Variants in FOXO4 observed in about 807,000 individuals in gnomAD.
FOXO4 encodes the protein forkhead box O4.
In FOXO4, 3 loss-of-function variants were observed where a neutral mutation model predicts 20.8. The observed-to-expected ratio is 0.14, with a 90% CI of 0.07 to 0.37. The LOEUF is 0.37. Among genes scored for constraint, FOXO4 ranks in the 10% least tolerant of loss-of-function variants. The pLI is 1.00. For synonymous variants in FOXO4, 158 were observed against 180.0 expected (o/e 0.88, Z 0.98); for missense variants, 309 against 431.9 (o/e 0.72, Z 2.52).
At position 71,096,985 on chromosome X, in the gene FOXO4, A is replaced by C. The variant is rs768812217; in HGVS notation, c.453+4A>C. 1 of 1,189,423 alleles carries C rather than the reference A, an allele frequency of 8.4e-7. No individual in the cohort carries two copies. Among genetic ancestry groups the C allele is most frequent in the East Asian group, 3.0e-5 (1 of 33,486 alleles). ...CAACAGCTCAGCAGGATGGAAGGTA[A>C]TTATGACCCTCTTACCTTCTTCCCA... On this transcript the variant is annotated splice_donor_region_variant and intron_variant, in intron 1 of 2. Coordinates refer to ENST00000374259, the MANE Select transcript of FOXO4 (RefSeq NM_005938.4).
chrX:71,101,977 G>A, intron 2 of FOXO4, 100 bp from the exon 3 acceptor site: 1 of 998,001 alleles, frequency 1.0e-6, no homozygotes, highest in Admixed American at 2.4e-5. Flanking sequence ...ATGGAAGCGG[G>A]TTAGGTGCCA....
Position 71,101,192 on chromosome X carries a change from G to A in FOXO4, c.962G>A (p.Arg321Gln), listed in dbSNP as rs368209640. ...ACCTCTTCCCATTCCCTGCTATCTC[G>A]GAGTGGTCTCTCTGGCTTCTCTTTG... ...NLTSSHSLLS[R>Q]SGLSGFSLQH... is the part of the protein sequence containing the mutation. The change falls in exon 2 of 3, where the codon CGG (arginine) becomes CAG (glutamine). Residue 321 changes from arginine (R) to glutamine (Q), a missense_variant. By Grantham distance (43) the Arg-to-Gln change is conservative (BLOSUM62 1). This residue lies in a region of FOXO4 where 223 missense variants were observed against 302.7 expected (regional missense o/e 0.74). Transcript: ENST00000374259. 96 of 1,209,262 alleles carry A rather than the reference G, an allele frequency of 7.9e-5. No homozygotes were observed. Among genetic ancestry groups the A allele is most frequent in the Admixed American group, 1.1e-4 (5 of 45,723 alleles).
At chrX:71,099,692 C>T (rs5981072) in intron 1 of FOXO4, among the ~76,000 whole-genome samples, 27,339 of 110,979 alleles carry the variant, frequency 0.25, 2,919 homozygotes, top group Middle Eastern at 0.5. Context: ...GTCAAGCAGC[C>T]GCTTTATAAA....
Position 71,101,620 on chromosome X carries a change from G to C in FOXO4, c.1390G>C (p.Asp464His). 1 of 1,211,641 alleles carries C rather than the reference G, an allele frequency of 8.3e-7. No homozygotes were observed. Among genetic ancestry groups the C allele is most frequent in the South Asian group, 1.8e-5 (1 of 57,011 alleles). Residue 464 changes from aspartate to histidine, a missense_variant, in exon 2 of 3, where the codon GAC (aspartate) becomes CAC (histidine). By Grantham distance (81) the Asp-to-His change is moderately conservative. Coordinates refer to ENST00000374259, the MANE Select transcript of FOXO4 (RefSeq NM_005938.4). The part of the protein sequence containing the change: ...LTPPTEAASQ[D>H]RMPQDLDLDM... ...ACCCCCTACTGAAGCTGCAAGCCAA[G>C]ACAGAATGCCTCAGGATCTAGATCT...
In FOXO4 at chrX:71,102,131, G is replaced by A. The variant is rs1329755872; in HGVS notation, c.*47G>A. On this transcript the variant is annotated 3_prime_UTR_variant, in exon 3 of 3. Coordinates refer to ENST00000374259, the MANE Select transcript of FOXO4 (RefSeq NM_005938.4). ...CCCTGCTTCAGATGTGGAGCCAGGC[G>A]TGTTCATATCTACTCTTTACCCTTG... The A allele has an allele frequency of 1.1e-5, 13 of 1,178,874 alleles. No individual in the cohort carries two copies. Among genetic ancestry groups the A allele is most frequent in the South Asian group, 3.6e-5 (2 of 55,263 alleles).
At position 71,097,001 on chromosome X, in the gene FOXO4, C is replaced by T. The variant is rs748394131; in HGVS notation, c.453+20C>T. 11 of 1,167,553 alleles carry T rather than the reference C, an allele frequency of 9.4e-6. No individual in the cohort carries two copies. In the East Asian group the frequency reaches 3.0e-4, roughly 32 times the overall value. ...TGGAAGGTAATTATGACCCTCTTAC[C>T]TTCTTCCCAACACCATCTACCCCCT... On this transcript the variant is annotated intron_variant, in intron 1 of 2. Coordinates refer to ENST00000374259, the MANE Select transcript of FOXO4 (RefSeq NM_005938.4).
chrX:71,101,304 G>A lies in FOXO4; in HGVS notation c.1074G>A (p.Gly358=). The A allele has an allele frequency of 3.3e-6, 4 of 1,211,172 alleles. No homozygotes were observed. The South Asian group carries it at 7.0e-5, about 21-fold the overall frequency. Residue 358 remains glycine (G), a synonymous_variant, in exon 2 of 3, where the codon GGG becomes GGA. Transcript: ENST00000374259. ...AGGGGCCCCTGTCAGCAGGAGAAGGGTGCTTCTCCAGCTCCCAGGCTCTGG... is the reference window on the plus strand; with the variant it reads ...AGGGGCCCCTGTCAGCAGGAGAAGGATGCTTCTCCAGCTCCCAGGCTCTGG... ...PAEGPLSAGE[G]CFSSSQALEA... is the part of the protein sequence containing the mutation.
chrX:71,103,507 A>G lies in FOXO4; in HGVS notation c.*1423A>G. The G allele has an allele frequency of 6.4e-6, 1 of 157,442 alleles. No individual in the cohort carries two copies. The allele number at this position is 157,442 out of a possible 1,213,427, so 13.0% of individuals were successfully genotyped here. On this transcript the variant is annotated 3_prime_UTR_variant, in exon 3 of 3. Coordinates refer to ENST00000374259, the MANE Select transcript of FOXO4 (RefSeq NM_005938.4). ...GGAAGTGTGTCAAATCAATAAATGA[A>G]TAAATTCAATAAATGCCTATAACCA...
intron 1 of FOXO4, among the ~76,000 whole-genome samples, chrX:71,099,698 A>G (rs2092225922): frequency 8.9e-6 from 1 of 112,116 alleles, no homozygotes; most frequent in South Asian, 3.7e-4. Flanking sequence ...CAGCCGCTTT[A>G]TAAAAGAGGT....
In FOXO4 at chrX:71,100,815, C is replaced by G; in HGVS notation, c.585C>G (p.Ala195=). The G allele has an allele frequency of 8.3e-7, 1 of 1,210,861 alleles. No individual in the cohort carries two copies. Among genetic ancestry groups the G allele is most frequent in the Non-Finnish European group, 1.1e-6 (1 of 894,930 alleles). ...GKSGKAPRRR[A]ASMDSSSKLL... The stretch of plus-strand genomic sequence containing the variant: ...GCGGCAAAGCCCCCCGCCGCCGGGC[C>G]GCCTCCATGGATAGCAGCAGCAAGC... Residue 195 remains alanine (A), a synonymous_variant, in exon 2 of 3, where the codon GCC becomes GCG. Coordinates refer to ENST00000374259, the MANE Select transcript of FOXO4 (RefSeq NM_005938.4).
At chrX:71,100,255 G>A (rs886747852) in intron 1 of FOXO4, among the ~76,000 whole-genome samples, 7 of 98,541 alleles carry the variant, frequency 7.1e-5, no homozygotes, top group Admixed American at 1.2e-4. Flanking sequence ...GGCATCCCCC[G>A]TGCTCTCTGC....
Position 71,096,991 on chromosome X carries a change from A to G in FOXO4, c.453+10A>G, listed in dbSNP as rs1429241692. Reference sequence around the variant, plus strand: ...CTCAGCAGGATGGAAGGTAATTATGACCCTCTTACCTTCTTCCCAACACCA... The same window carrying G: ...CTCAGCAGGATGGAAGGTAATTATGGCCCTCTTACCTTCTTCCCAACACCA... On this transcript the variant is annotated intron_variant, in intron 1 of 2. Transcript: ENST00000374259. The G allele has an allele frequency of 3.4e-6, 4 of 1,170,478 alleles. No homozygotes were observed. Among genetic ancestry groups the G allele is most frequent in the South Asian group, 3.7e-5 (2 of 53,754 alleles).
At position 71,101,755 on chromosome X, in the gene FOXO4, A is replaced by G. The variant is rs762351922; in HGVS notation, c.1510+15A>G. On this transcript the variant is annotated intron_variant, in intron 2 of 2. Coordinates refer to ENST00000374259, the MANE Select transcript of FOXO4 (RefSeq NM_005938.4). ...CTTTGAGCCAGGTACAGTACCCCCT[A>G]ATCACCACAGCACCTCATAGCCTAT... 5 of 1,151,024 alleles carry G rather than the reference A, an allele frequency of 4.3e-6. No individual in the cohort carries two copies. 94.9% of individuals were successfully genotyped at this position (1,151,024 alleles called of 1,213,427 possible).
At position 71,096,153 on chromosome X, in the gene FOXO4, G is replaced by A. The variant is rs922356983; in HGVS notation, c.-376G>A. On this transcript the variant is annotated 5_prime_UTR_variant, in exon 1 of 3. Coordinates refer to ENST00000374259, the MANE Select transcript of FOXO4 (RefSeq NM_005938.4). ...GTGTCCGGGGGGCAGCAACTTAAAA[G>A]GGGGAGGGAACTGCGGCTAAGGAGA... 4 of 206,718 alleles carry A rather than the reference G, an allele frequency of 1.9e-5. No homozygotes were observed. The highest frequency in any genetic ancestry group is 7.9e-5 in the East Asian group (1 of 12,632). The allele number at this position is 206,718 out of a possible 1,213,427, so 17.0% of individuals were successfully genotyped here.
Position 71,100,927 on chromosome X carries a change from G to A in FOXO4, c.697G>A (p.Gly233Ser), listed in dbSNP as rs781475225. 7 of 1,211,228 alleles carry A rather than the reference G, an allele frequency of 5.8e-6. No homozygotes were observed. The highest frequency in any genetic ancestry group is 2.2e-5 in the Admixed American group (1 of 45,993). The change falls in exon 2 of 3, where the codon GGC becomes AGC. Residue 233 changes from glycine to serine, a missense_variant. Physicochemically the swap from Gly to Ser is moderately conservative, Grantham distance 56. Transcript: ENST00000374259. ...AGGTGCCACTCCAACGAGCCCTGTC[G>A]GCCACTTTGCCAAGTGGTCAGGCAG... ...PEGATPTSPV[G>S]HFAKWSGSPC...
In FOXO4 at chrX:71,100,633, ACCTCC is replaced by A; in HGVS notation, c.454-47_454-43del. 3.0e-6 allele frequency: 3 copies of A among 998,662 alleles called. No homozygotes were observed. The South Asian group carries it at 7.1e-5, about 24-fold the overall frequency. 82.3% of individuals were successfully genotyped at this position (998,662 alleles called of 1,213,427 possible). A position where few individuals can be genotyped will look rare whatever the true frequency, so the allele number is the denominator to read the frequency against. On this transcript the variant is annotated intron_variant, in intron 1 of 2. Transcript: ENST00000374259. Reference sequence around the variant, plus strand: ...TCTTAGACTTGACCGCTGGCCACTGACCTCCCCTACAGTACCTCACGCCCCTTTCC... The same window carrying A: ...TCTTAGACTTGACCGCTGGCCACTGACCTACAGTACCTCACGCCCCTTTCC...
In FOXO4 at chrX:71,101,428, G is replaced by A. The variant is rs1359752512; in HGVS notation, c.1198G>A (p.Gly400Arg). 8.3e-7 allele frequency: 1 copy of A among 1,211,505 alleles called. No individual in the cohort carries two copies. Among genetic ancestry groups the A allele is most frequent in the Non-Finnish European group, 1.1e-6 (1 of 895,393 alleles). ...LSQAPTLLLLGGLPSSSKLAT... is the reference protein window; with the variant it reads ...LSQAPTLLLLRGLPSSSKLAT... ...CCAGGCTCCGACTCTTCTGTTGCTG[G>A]GGGGGCTTCCTTCCTCCAGTAAGCT... The change falls in exon 2 of 3, where the codon GGG becomes AGG. Residue 400 changes from glycine (G) to arginine (R), a missense_variant. Coordinates refer to ENST00000374259, the MANE Select transcript of FOXO4 (RefSeq NM_005938.4).
chrX:71,100,747 G>A lies in FOXO4; in HGVS notation c.517G>A (p.Gly173Ser). 1.7e-6 allele frequency: 2 copies of A among 1,209,244 alleles called. No homozygotes were observed. The highest frequency in any genetic ancestry group is 1.1e-6 in the Non-Finnish European group (1 of 894,024). ...KFIKVHNEAT[G>S]KSSWWMLNPE... ...CATCAAGGTTCACAACGAGGCCACC[G>A]GCAAAAGCTCTTGGTGGATGCTGAA... The change falls in exon 2 of 3, where the codon GGC becomes AGC. Residue 173 changes from glycine to serine, a missense_variant. Gly to Ser is a moderately conservative substitution (Grantham distance 56, BLOSUM62 0). Transcript: ENST00000374259.
In FOXO4 at chrX:71,096,065, A is replaced by C; in HGVS notation, c.-464A>C. On this transcript the variant is annotated 5_prime_UTR_variant, in exon 1 of 3. Coordinates refer to ENST00000374259, the MANE Select transcript of FOXO4 (RefSeq NM_005938.4). The stretch of plus-strand genomic sequence containing the variant: ...GGAAGGGGGAGTCAGGGGAGGGGCA[A>C]GTGACGCGGGGGAGCGGGGCGTGGG... 1 of 66,726 alleles carries C rather than the reference A, an allele frequency of 1.5e-5. No homozygotes were observed. Among genetic ancestry groups the C allele is most frequent in the Non-Finnish European group, 2.6e-5 (1 of 38,857 alleles). 5.5% of individuals were successfully genotyped at this position (66,726 alleles called of 1,213,427 possible). A position where few individuals can be genotyped will look rare whatever the true frequency, so the allele number is the denominator to read the frequency against.
Sources: allele counts gnomAD v4.1 joint callset (sites outside exome capture counted in the v4.1 genomes callset), GRCh38; gene constraint gnomAD v4.1.1; regional missense constraint gnomAD v4.1.1; transcripts MANE v1.5; gene names NCBI Gene and HGNC (gene_info 2026-07-23, HGNC 2026-07-21).